MECOM: variants seen among roughly 807,000 people sequenced by gnomAD.
The protein encoded by MECOM is histone-lysine N-methyltransferase MECOM.
In MECOM, 13 loss-of-function variants were observed where a neutral mutation model predicts 116.3. That is an observed-to-expected ratio of 0.11 (90% CI 0.07 to 0.18). The LOEUF (loss-of-function observed/expected upper bound fraction) is 0.18. MECOM is among the 10% of genes least tolerant of loss of function. The pLI is 1.00. For synonymous variants in MECOM, 528 were observed against 535.2 expected, an observed-to-expected ratio of 0.99 and a Z score of 0.19; for missense variants, 1,299 against 1,509.0, an observed-to-expected ratio of 0.86 and a Z score of 2.31.
At chr3:169,130,490 C>A (rs1343507824) in intron 4 of MECOM, among the ~76,000 whole-genome samples, 1 of 149,106 alleles carries the variant, frequency 6.7e-6, no homozygotes, top group Non-Finnish European at 1.5e-5. Flanking sequence ...CCTCCCCCTG[C>A]AAATACAACT....
At chr3:169,573,427 C>A (rs760573891) in intron 1 of MECOM, among the ~76,000 whole-genome samples, 2 of 152,120 alleles carry the variant, frequency 1.3e-5, no homozygotes, top group Non-Finnish European at 2.9e-5. Context: ...ATTGTAGGCT[C>A]CCGTGGGCTG....
At chr3:169,426,495 C>T (rs1003093537) in intron 1 of MECOM, among the ~76,000 whole-genome samples, 3 of 152,162 alleles carry the variant, frequency 2.0e-5, no homozygotes, top group African/African-American at 7.2e-5. Flanking sequence ...ATAGGAGACA[C>T]CTGGAGCATC....
At chr3:169,486,714 A>G (rs1386463300) in intron 1 of MECOM, among the ~76,000 whole-genome samples, 1 of 152,118 alleles carries the variant, frequency 6.6e-6, no homozygotes, top group African/African-American at 2.4e-5. Context: ...TCAAATATAA[A>G]CTCAGTCTGA....
chr3:169,139,069 G>A (rs1489158524), intron 3 of MECOM, among the ~76,000 whole-genome samples: 3 of 152,084 alleles, frequency 2.0e-5, no homozygotes, highest in Non-Finnish European at 4.4e-5. Context: ...TGAAAACACT[G>A]TAGAGTCTTG....
chr3:169,140,527 G>A (rs1008808759), intron 3 of MECOM, among the ~76,000 whole-genome samples: 1 of 151,960 alleles, frequency 6.6e-6, no homozygotes, highest in Non-Finnish European at 1.5e-5. Context: ...TTATGGTTTA[G>A]CAGTGATGTC....
chr3:169,143,228 G>A (rs1376222842), intron 3 of MECOM, among the ~76,000 whole-genome samples: 1 of 151,758 alleles, frequency 6.6e-6, no homozygotes, highest in East Asian at 1.9e-4. Flanking sequence ...TTTATAATTA[G>A]GCAAATCAAT....
intron 2 of MECOM, among the ~76,000 whole-genome samples, chr3:169,148,232 G>A (rs1277506361): frequency 6.6e-6 from 1 of 152,068 alleles, no homozygotes; most frequent in Non-Finnish European, 1.5e-5. Flanking sequence ...CATTTTCTTT[G>A]ATACATTAAT....
chr3:169,233,220 T>C (rs1753636712), intron 2 of MECOM, among the ~76,000 whole-genome samples: 1 of 152,122 alleles, frequency 6.6e-6, no homozygotes, highest in Admixed American at 6.6e-5. Flanking sequence ...CCAAACATGG[T>C]GCTGTACCAA....
At chr3:169,624,500 C>G (rs556602182) in intron 1 of MECOM, among the ~76,000 whole-genome samples, 4 of 152,336 alleles carry the variant, frequency 2.6e-5, no homozygotes, top group Middle Eastern at 3.4e-3. Context: ...GCCACAGCAA[C>G]ACCACCAAGT....
chr3:169,219,228 C>T (rs947045255), intron 2 of MECOM, among the ~76,000 whole-genome samples: 3 of 152,144 alleles, frequency 2.0e-5, no homozygotes, highest in Non-Finnish European at 4.4e-5. Context: ...TTTAATAGGC[C>T]AGGCGCGGTG....
At chr3:169,259,579 T>A (rs768715133) in intron 2 of MECOM, among the ~76,000 whole-genome samples, 3 of 151,612 alleles carry the variant, frequency 2.0e-5, no homozygotes, top group Admixed American at 6.6e-5. Context: ...TAAAAAAAAA[T>A]TTTGCCTGAC....
intron 1 of MECOM, among the ~76,000 whole-genome samples, chr3:169,413,217 G>C (rs1490772492): frequency 6.6e-6 from 1 of 152,230 alleles, no homozygotes; most frequent in Non-Finnish European, 1.5e-5. Flanking sequence ...AGCCGAAGCA[G>C]GGTGAGGCAT....
At chr3:169,244,427 A>G (rs1577451020) in intron 2 of MECOM, among the ~76,000 whole-genome samples, 1 of 152,040 alleles carries the variant, frequency 6.6e-6, no homozygotes, top group South Asian at 2.1e-4. Flanking sequence ...ATTATCCTGC[A>G]CCCCACTGTG....
At chr3:169,391,930 C>CA (rs954435985) in intron 1 of MECOM, among the ~76,000 whole-genome samples, 8 of 149,756 alleles carry the variant, frequency 5.3e-5, no homozygotes, top group East Asian at 2.0e-4. Flanking sequence ...AACTGACTTT[C>CA]AAAAAAAAAT....
chr3:169,287,023 C>G (rs553595750), intron 2 of MECOM, among the ~76,000 whole-genome samples: 2 of 152,320 alleles, frequency 1.3e-5, no homozygotes, highest in Admixed American at 6.5e-5. Context: ...TCCTTGTACT[C>G]GGTGTGATAC....
In MECOM at chr3:169,183,560, A is replaced by G. The variant is rs116245998; in HGVS notation, c.376-39728T>C. On this transcript the variant is annotated intron_variant, in intron 2 of 16. Transcript: ENST00000651503. ...CTGAAAAATGTTCTTTGGCTTCACCATTGTAGCAGCAACAGCAGGAGGAGG... is the reference window on the plus strand; with the variant it reads ...CTGAAAAATGTTCTTTGGCTTCACCGTTGTAGCAGCAACAGCAGGAGGAGG... 4.0e-3 allele frequency among the ~76,000 whole-genome samples: 610 copies of G among 152,192 alleles called. 4 individuals are homozygous for G. The highest frequency in any genetic ancestry group is 0.014 in the African/African-American group (574 of 41,524).
chr3:169,482,328 C>CTTTTT (rs768771100), intron 1 of MECOM, among the ~76,000 whole-genome samples: 60 of 108,346 alleles, frequency 5.5e-4, no homozygotes, highest in African/African-American at 9.4e-4. Flanking sequence ...AACCCACGTT[C>CTTTTT]TTTTTTTTTT....
At chr3:169,350,336 C>T (rs1395063198) in intron 2 of MECOM, among the ~76,000 whole-genome samples, 1 of 151,968 alleles carries the variant, frequency 6.6e-6, no homozygotes, top group Non-Finnish European at 1.5e-5. Context: ...CCCTTCTTGA[C>T]CTTCAGTGTC....
At chr3:169,661,919 G>C (rs144224953) in intron 1 of MECOM, among the ~76,000 whole-genome samples, 4 of 152,196 alleles carry the variant, frequency 2.6e-5, no homozygotes, top group South Asian at 2.1e-4. Context: ...GTGGGAGAGA[G>C]AACCGCGGCC....
Sources: allele counts gnomAD v4.1 joint callset (sites outside exome capture counted in the v4.1 genomes callset), GRCh38; gene constraint gnomAD v4.1.1; transcripts MANE v1.5; gene names NCBI Gene and HGNC (gene_info 2026-07-23, HGNC 2026-07-21).